Variants in XIAP observed in about 807,000 individuals in gnomAD.
The protein encoded by XIAP is E3 ubiquitin-protein ligase XIAP.
XIAP carries 3 observed loss-of-function variants against 33.1 expected under a neutral mutation model. That is an observed-to-expected ratio of 0.09 (90% CI 0.04 to 0.23). The LOEUF is 0.23. XIAP is among the 10% of genes least tolerant of loss of function. The pLI, the probability that XIAP is intolerant of heterozygous loss-of-function variation, is 1.00. For missense variants in XIAP, 264 were observed against 363.0 expected (o/e 0.73, Z 2.22); for synonymous variants, 98 against 121.3 (o/e 0.81, Z 1.26).
intron 1 of XIAP, among the ~76,000 whole-genome samples, chrX:123,876,070 G>A (rs936600482): frequency 9.0e-6 from 1 of 111,729 alleles, no homozygotes; most frequent in Admixed American, 9.6e-5. Flanking sequence ...CTGAAGTGCA[G>A]TGACGCAGTC....
intron 1 of XIAP, among the ~76,000 whole-genome samples, chrX:123,871,444 G>A (rs776288288): frequency 7.2e-5 from 8 of 111,391 alleles, no homozygotes; most frequent in Admixed American, 1.9e-4. Context: ...AGTAAGTTCC[G>A]GTTCCATGCC....
intron 5 of XIAP, among the ~76,000 whole-genome samples, chrX:123,894,025 A>G (rs1265213237): frequency 8.9e-6 from 1 of 111,741 alleles, no homozygotes; most frequent in Non-Finnish European, 1.9e-5. Context: ...AAGTAAGCCA[A>G]AATTATTTCA....
At chrX:123,899,642 T>G (rs1301831402) in intron 5 of XIAP, among the ~76,000 whole-genome samples, 2 of 109,861 alleles carry the variant, frequency 1.8e-5, no homozygotes, top group Non-Finnish European at 3.8e-5. Flanking sequence ...GGTACTCTTT[T>G]GTGTCATAAT....
rs773329566 is a variant in XIAP at position 123,913,194 on chromosome X, G to A, written c.*6013G>A. 2.4e-5 allele frequency: 8 copies of A among 327,022 alleles called. No individual in the cohort carries two copies. Among genetic ancestry groups the A allele is most frequent in the Admixed American group, 1.3e-4 (4 of 31,866 alleles). The allele number at this position is 327,022 out of a possible 1,213,427, so 27.0% of individuals were successfully genotyped here. A position where few individuals can be genotyped will look rare whatever the true frequency, so the allele number is the denominator to read the frequency against. ...ATCTTCAAAGTAGACAAATGGCGCC[G>A]GGCACGGTGGCTCACGCCTGTAATC... On this transcript the variant is annotated 3_prime_UTR_variant, in exon 7 of 7. Transcript: ENST00000371199.
At chrX:123,887,810 C>T (rs1395537437) in intron 2 of XIAP, among the ~76,000 whole-genome samples, 1 of 109,173 alleles carries the variant, frequency 9.2e-6, no homozygotes, top group African/African-American at 3.3e-5. Flanking sequence ...ATGGTGAAAC[C>T]CCGTCTCTAC....
intron 6 of XIAP, among the ~76,000 whole-genome samples, chrX:123,903,194 T>C (rs1033023882): frequency 9.9e-6 from 1 of 101,338 alleles, no homozygotes; most frequent in Non-Finnish European, 2.0e-5. Flanking sequence ...TTTTTTTTTT[T>C]TTTTTTTTTT....
rs1213815934 is a variant in XIAP, at chrX:123,909,201, T to C, written c.*2020T>C. 1 of 280,557 alleles carries C rather than the reference T, an allele frequency of 3.6e-6. No individual in the cohort carries two copies. Among genetic ancestry groups the C allele is most frequent in the Admixed American group, 4.6e-5 (1 of 21,969 alleles). 23.1% of individuals were successfully genotyped at this position (280,557 alleles called of 1,213,427 possible). A position where few individuals can be genotyped will look rare whatever the true frequency, so the allele number is the denominator to read the frequency against. ...GTGCCACCATGCCCGACTAATTTTT[T>C]TTTATTTTTAGTAGAGACGGGGTTT... On this transcript the variant is annotated 3_prime_UTR_variant, in exon 7 of 7. Coordinates refer to ENST00000371199, the MANE Select transcript of XIAP (RefSeq NM_001167.4).
At chrX:123,866,085 C>T (rs1332028145) in intron 1 of XIAP, among the ~76,000 whole-genome samples, 6 of 110,735 alleles carry the variant, frequency 5.4e-5, no homozygotes, top group Non-Finnish European at 9.4e-5. Flanking sequence ...GGATTACAGG[C>T]GCACGCCACC....
In XIAP at chrX:123,861,350, A is replaced by G. The variant is rs192943915; in HGVS notation, c.-33+1057A>G. On this transcript the variant is annotated intron_variant, in intron 1 of 6. Transcript: ENST00000371199. The stretch of plus-strand genomic sequence containing the variant: ...TCAACACACATTTCTGAAGAGTATA[A>G]TACTTTGTACCAGTGACTGTGGTAC... 2.2e-4 allele frequency among the ~76,000 whole-genome samples: 25 copies of G among 111,989 alleles called. No individual in the cohort carries two copies. In the South Asian group the frequency reaches 8.0e-3, roughly 36 times the overall value.
In XIAP at chrX:123,910,816, C is replaced by G. The variant is rs765314803; in HGVS notation, c.*3635C>G. On this transcript the variant is annotated 3_prime_UTR_variant, in exon 7 of 7. Transcript: ENST00000371199. ...CCGGGAGGCAGAGCTTGCAGTGAGCCGAGATCTCGCCACTGCACTCCAGCC... is the reference window on the plus strand; with the variant it reads ...CCGGGAGGCAGAGCTTGCAGTGAGCGGAGATCTCGCCACTGCACTCCAGCC... 3.5e-6 allele frequency: 1 copy of G among 286,787 alleles called. No individual in the cohort carries two copies. Among genetic ancestry groups the G allele is most frequent in the Non-Finnish European group, 6.4e-6 (1 of 155,112 alleles). The allele number at this position is 286,787 out of a possible 1,213,427, so 23.6% of individuals were successfully genotyped here.
At position 123,862,592 on chromosome X, in the gene XIAP, G is replaced by T. The variant is rs1270239296; in HGVS notation, c.-33+2299G>T. ...AGAAAAATTTGACACCTGACGCTGT[G>T]GCTCATGTCTGTAATCCCAGCACTT... On this transcript the variant is annotated intron_variant, in intron 1 of 6. Transcript: ENST00000371199. Among the ~76,000 whole-genome samples, 5 of 104,574 alleles carry T rather than the reference G, an allele frequency of 4.8e-5. No individual in the cohort carries two copies. The Admixed American group carries it at 5.3e-4, about 11-fold the overall frequency. 90.8% of individuals were successfully genotyped at this position (104,574 alleles called of 115,157 possible). A position where few individuals can be genotyped will look rare whatever the true frequency, so the allele number is the denominator to read the frequency against.
chrX:123,905,321 A>G (rs2053549068), intron 6 of XIAP, among the ~76,000 whole-genome samples: 1 of 111,667 alleles, frequency 9.0e-6, no homozygotes, highest in South Asian at 3.7e-4. Flanking sequence ...GTGCACTTGT[A>G]GGCCACGTTC....
chrX:123,866,574 T>C (rs1412619154), intron 1 of XIAP, among the ~76,000 whole-genome samples: 2 of 100,729 alleles, frequency 2.0e-5, no homozygotes, highest in Non-Finnish European at 4.0e-5. Context: ...TATAATATAG[T>C]ATATAATATA....
At position 123,910,481 on chromosome X, in the gene XIAP, A is replaced by T. The variant is rs1195024800; in HGVS notation, c.*3300A>T. The T allele has an allele frequency of 3.0e-6, 1 of 329,244 alleles. No homozygotes were observed. The highest frequency in any genetic ancestry group is 3.1e-5 in the Admixed American group (1 of 32,147). The allele number at this position is 329,244 out of a possible 1,213,427, so 27.1% of individuals were successfully genotyped here. A position where few individuals can be genotyped will look rare whatever the true frequency, so the allele number is the denominator to read the frequency against. On this transcript the variant is annotated 3_prime_UTR_variant, in exon 7 of 7. Transcript: ENST00000371199. ...CCCTTTAAACCCGAATCATTGTTTT[A>T]TTTCCTGATTACACAGGTGTTGAAT...
chrX:123,899,304 C>T (rs868497591), intron 5 of XIAP, among the ~76,000 whole-genome samples: 17 of 96,520 alleles, frequency 1.8e-4, no homozygotes, highest in African/African-American at 4.5e-4. Flanking sequence ...TATATATATA[C>T]ACACGCACAC....
intron 6 of XIAP, among the ~76,000 whole-genome samples, chrX:123,903,658 T>G (rs2053535955): frequency 2.1e-5 from 2 of 97,352 alleles, no homozygotes; most frequent in African/African-American, 7.9e-5. Context: ...TTTTAGATTT[T>G]AAAAAATTGT....
At chrX:123,862,143 T>G (rs192635684) in intron 1 of XIAP, among the ~76,000 whole-genome samples, 63 of 109,650 alleles carry the variant, frequency 5.7e-4, no homozygotes, top group Middle Eastern at 9.1e-3. Context: ...AGTGGCCCTA[T>G]CTTGACTCAC....
rs60841987 is a variant in XIAP, at chrX:123,912,348, C to CAAA, written c.*5178_*5180dup. The stretch of plus-strand genomic sequence containing the variant: ...TAGCATTAAGGTTGGTGCAAAAATG[C>CAAA]AAAAAAAAAAAAAGCAATTATTTTT... On this transcript the variant is annotated 3_prime_UTR_variant, in exon 7 of 7. Coordinates refer to ENST00000371199, the MANE Select transcript of XIAP (RefSeq NM_001167.4). 12 of 279,744 alleles carry CAAA rather than the reference C, an allele frequency of 4.3e-5. No homozygotes were observed. The highest frequency in any genetic ancestry group is 1.1e-4 in the African/African-American group (3 of 26,895). The allele number at this position is 279,744 out of a possible 1,213,427, so 23.1% of individuals were successfully genotyped here.
At chrX:123,881,134 C>T (rs1228006128) in intron 1 of XIAP, among the ~76,000 whole-genome samples, 5 of 110,917 alleles carry the variant, frequency 4.5e-5, no homozygotes, top group African/African-American at 1.6e-4. Flanking sequence ...TTTCTCTTTC[C>T]GTGCCTTCCT....
Sources: allele counts gnomAD v4.1 joint callset (sites outside exome capture counted in the v4.1 genomes callset), GRCh38; gene constraint gnomAD v4.1.1; transcripts MANE v1.5; gene names NCBI Gene and HGNC (gene_info 2026-07-23, HGNC 2026-07-21).